Variants in FOXO3 observed in about 807,000 individuals in gnomAD.
FOXO3 encodes forkhead box O3, also known as forkhead box protein O3.
FOXO3 carries 4 observed loss-of-function variants against 41.9 expected under a neutral mutation model. The observed-to-expected ratio is 0.10, with a 90% CI of 0.05 to 0.22. FOXO3 has a LOEUF of 0.22. Ranked by LOEUF, FOXO3 falls within the 10% of genes least tolerant of loss-of-function variation. The pLI, the probability that FOXO3 is intolerant of heterozygous loss-of-function variation, is 1.00. For synonymous variants in FOXO3, 318 were observed against 389.3 expected (o/e 0.82, Z 2.16); for missense variants, 534 against 906.8 (o/e 0.59, Z 5.28).
chr6:108,639,481 C>T (rs1399963904), intron 1 of FOXO3: 1 of 859,558 alleles, frequency 1.2e-6, no homozygotes, highest in Non-Finnish European at 1.4e-6. Context: ...TCTTTCTGTG[C>T]TTTGCCCTCA....
At chr6:108,610,398 G>A (rs1031430629) in intron 1 of FOXO3, among the ~76,000 whole-genome samples, 1 of 152,176 alleles carries the variant, frequency 6.6e-6, no homozygotes, top group Non-Finnish European at 1.5e-5. Context: ...AGAATTAAAA[G>A]GAGAGGATTC....
intron 1 of FOXO3, among the ~76,000 whole-genome samples, chr6:108,594,482 C>T (rs906762353): frequency 6.6e-6 from 1 of 152,130 alleles, no homozygotes. Context: ...GAGGAGAGTT[C>T]CCAGGGTTTT....
rs936383287 is a variant in FOXO3 at position 108,596,884 on chromosome 6, CT to C, written c.621+35064del. On this transcript the variant is annotated intron_variant, in intron 1 of 2. Transcript: ENST00000406360. ...CAAACAGTTGCAGCTCAAAGGGATG[CT>C]TTTTTTTTCTTTTTTCTTTTTTTTA... 3.2e-4 allele frequency among the ~76,000 whole-genome samples: 48 copies of C among 151,532 alleles called. 1 individual carries two copies. In the South Asian group the frequency reaches 8.0e-3, roughly 25 times the overall value.
chr6:108,641,787 C>CA (rs1056058549), intron 1 of FOXO3, among the ~76,000 whole-genome samples: 150 of 151,072 alleles, frequency 9.9e-4, no homozygotes, highest in African/African-American at 5.4e-4. Flanking sequence ...AGAATTGCCA[C>CA]AAAAAAAATA....
chr6:108,646,845 G>GA (rs979373552), intron 1 of FOXO3, among the ~76,000 whole-genome samples: 78 of 152,296 alleles, frequency 5.1e-4, no homozygotes, highest in African/African-American at 1.9e-3. Context: ...ATGCTTTCGA[G>GA]AAAATGTGTT....
chr6:108,649,795 G>A (rs1778498443), intron 1 of FOXO3, among the ~76,000 whole-genome samples: 1 of 152,088 alleles, frequency 6.6e-6, no homozygotes, highest in Admixed American at 6.5e-5. Context: ...CTTGTGTCTA[G>A]AGAAACAGCT....
intron 1 of FOXO3, among the ~76,000 whole-genome samples, chr6:108,611,739 G>T: frequency 6.7e-6 from 1 of 150,074 alleles, no homozygotes. Context: ...CATTTAGTTA[G>T]GAATTTCTTA....
intron 1 of FOXO3, among the ~76,000 whole-genome samples, chr6:108,585,334 C>T (rs993441634): frequency 2.6e-5 from 4 of 152,208 alleles, no homozygotes; most frequent in Admixed American, 1.3e-4. Flanking sequence ...TGAGCCACCG[C>T]GCCCGGCCTC....
rs373016117 is a variant in FOXO3 at position 108,647,265 on chromosome 6, T to G, written c.622-16190T>G. ...ACCCTAGACTGGAAGCATTAAAAAT[T>G]GATTACTTGCAAGTTGTTGCTAATA... On this transcript the variant is annotated intron_variant, in intron 1 of 2. Coordinates refer to ENST00000406360, the MANE Select transcript of FOXO3 (RefSeq NM_001455.4). Among the ~76,000 whole-genome samples the G allele has an allele frequency of 1.1e-4, 16 of 152,342 alleles. No individual in the cohort carries two copies. The East Asian group carries it at 1.7e-3, about 17-fold the overall frequency.
At chr6:108,628,111 A>G (rs1777863888) in intron 1 of FOXO3, among the ~76,000 whole-genome samples, 1 of 150,528 alleles carries the variant, frequency 6.6e-6, no homozygotes, top group African/African-American at 2.4e-5. Flanking sequence ...ATCTGGAAAA[A>G]AGCCTGGCAG....
At chr6:108,600,771 A>G (rs901903593) in intron 1 of FOXO3, among the ~76,000 whole-genome samples, 18 of 152,278 alleles carry the variant, frequency 1.2e-4, no homozygotes, top group African/African-American at 4.1e-4. Context: ...GCTAATTTTT[A>G]TAAGGGAAGA....
At chr6:108,665,812 GAAA>G (rs34062396) in intron 2 of FOXO3, among the ~76,000 whole-genome samples, 1 of 125,430 alleles carries the variant, frequency 8.0e-6, no homozygotes, top group Non-Finnish European at 1.6e-5. Flanking sequence ...CTATCTCTTA[GAAA>G]AAAAAAAAAA....
At chr6:108,621,711 C>T (rs1354365257) in intron 1 of FOXO3, among the ~76,000 whole-genome samples, 1 of 152,072 alleles carries the variant, frequency 6.6e-6, no homozygotes, top group Non-Finnish European at 1.5e-5. Context: ...CTCACAGTGG[C>T]ATGGTCCGTT....
intron 2 of FOXO3, among the ~76,000 whole-genome samples, 177 bp downstream of exon 2, chr6:108,665,066 AG>A (rs1185027500): frequency 1.3e-5 from 2 of 152,200 alleles, no homozygotes; most frequent in Admixed American, 1.3e-4. Flanking sequence ...CAAACCAAAT[AG>A]GGCTGTCAGG....
chr6:108,626,825 T>A (rs1777825214), intron 1 of FOXO3, among the ~76,000 whole-genome samples: 1 of 152,202 alleles, frequency 6.6e-6, no homozygotes, highest in Non-Finnish European at 1.5e-5. Flanking sequence ...ACCAGGGTAT[T>A]TTCCTAAGGT....
intron 1 of FOXO3, among the ~76,000 whole-genome samples, chr6:108,602,885 CTT>C (rs952012002): frequency 1.3e-5 from 2 of 152,064 alleles, no homozygotes; most frequent in Non-Finnish European, 1.5e-5. Flanking sequence ...TTTCTTCCCT[CTT>C]TATGCTGAAG....
Position 108,681,967 on chromosome 6 carries a change from A to G in FOXO3, c.*2175A>G, listed in dbSNP as rs900185224. On this transcript the variant is annotated 3_prime_UTR_variant, in exon 3 of 3. Transcript: ENST00000406360. ...TGTGGGGATGCATTGCAGAGGCACT[A>G]GTAGCATGGGGGCTAGAGTGGGGAG... The G allele has an allele frequency of 6.6e-6, 1 of 152,168 alleles. No homozygotes were observed. Among genetic ancestry groups the G allele is most frequent in the Non-Finnish European group, 1.5e-5 (1 of 68,022 alleles). The allele number at this position is 152,168 out of a possible 1,614,324, so 9.4% of individuals were successfully genotyped here.
At chr6:108,621,320 C>T (rs1582787347) in intron 1 of FOXO3, among the ~76,000 whole-genome samples, 3 of 152,080 alleles carry the variant, frequency 2.0e-5, no homozygotes, top group South Asian at 2.1e-4. Flanking sequence ...TGAGTAAGCC[C>T]GCTGCCTTGC....
chr6:108,619,376 A>G (rs1777605319), intron 1 of FOXO3, among the ~76,000 whole-genome samples: 1 of 152,236 alleles, frequency 6.6e-6, no homozygotes, highest in African/African-American at 2.4e-5. Context: ...TTAGTCATCA[A>G]ATAATACTTA....
Sources: gnomAD v4.1 joint callset for allele counts (sites outside exome capture counted in the v4.1 genomes callset) on GRCh38, gnomAD v4.1.1 for gene constraint, MANE v1.5 for transcripts, NCBI Gene and HGNC (gene_info 2026-07-23, HGNC 2026-07-21) for gene names.